Variants in TAPBPL observed in about 807,000 individuals in gnomAD.
TAPBPL encodes TAP binding protein like, also known as tapasin-related protein.
In TAPBPL, 32 loss-of-function variants were observed where a neutral mutation model predicts 44.8. The ratio of observed to expected loss-of-function variants is 0.71; its 90% CI spans 0.54 to 0.96. TAPBPL has a LOEUF of 0.96. TAPBPL is among the 40% of genes least tolerant of loss of function. The pLI is 0.00. For synonymous variants in TAPBPL, 230 were observed against 240.7 expected (o/e 0.96, Z 0.41); for missense variants, 520 against 586.6 (o/e 0.89, Z 1.17).
intron 3 of TAPBPL, among the ~76,000 whole-genome samples, chr12:6,454,470 AAAC>A (rs921174925): frequency 1.6e-4 from 24 of 152,308 alleles, no homozygotes; most frequent in Non-Finnish European, 2.6e-4. Context: ...ACCGTCTCAA[AAAC>A]AACAACAACA....
intron 5 of TAPBPL, among the ~76,000 whole-genome samples, chr12:6,459,944 G>A (rs770447447): frequency 1.4e-4 from 21 of 151,492 alleles, no homozygotes; most frequent in Non-Finnish European, 2.7e-4. Flanking sequence ...CTAATTTTGC[G>A]TTTTTAGTAG....
intron 6 of TAPBPL, chr12:6,461,466 T>C (rs775838214): frequency 6.4e-5 from 64 of 995,744 alleles, no homozygotes; most frequent in Non-Finnish European, 7.4e-5. Context: ...GAGGCATGGG[T>C]TGGGGCTGGG....
At chr12:6,459,182 G>A (rs1949781122) in intron 5 of TAPBPL, among the ~76,000 whole-genome samples, 1 of 152,334 alleles carries the variant, frequency 6.6e-6, no homozygotes, top group East Asian at 1.9e-4. Flanking sequence ...ATGTGCTTAA[G>A]GCTGGAGATC....
downstream of TAPBPL, chr12:6,464,471 CAAGTA>C: frequency 6.5e-7 from 1 of 1,542,720 alleles, no homozygotes; most frequent in Non-Finnish European, 8.7e-7. Flanking sequence ...GGTACATTCT[CAAGTA>C]AAAAAGTAGA....
In TAPBPL at chr12:6,462,204, C is replaced by A; in HGVS notation, c.*55C>A. 6.8e-7 allele frequency: 1 copy of A among 1,460,988 alleles called. No individual in the cohort carries two copies. The highest frequency in any genetic ancestry group is 9.3e-7 in the Non-Finnish European group (1 of 1,072,522). The allele number at this position is 1,460,988 out of a possible 1,614,324, so 90.5% of individuals were successfully genotyped here. ...AACGACACCCTTCCCCAAGCCCCCACAGCTACTCCAACCCAAACAACAACC... is the reference window on the plus strand; with the variant it reads ...AACGACACCCTTCCCCAAGCCCCCAAAGCTACTCCAACCCAAACAACAACC... On this transcript the variant is annotated 3_prime_UTR_variant, in exon 7 of 7. Transcript: ENST00000266556.
At chr12:6,462,939 A>G (rs1463315183), downstream of TAPBPL, 1 of 1,556,842 alleles carries the variant, frequency 6.4e-7, no homozygotes, top group South Asian at 1.2e-5. Flanking sequence ...GTGGGCATCC[A>G]GACCCTGCCC....
chr12:6,465,114 G>A, downstream of TAPBPL: 6 of 840,584 alleles, frequency 7.1e-6, 1 homozygote, highest in South Asian at 9.8e-5. Context: ...CTTCCCAGGG[G>A]ATCATAACCA....
At chr12:6,452,468 G>A in intron 1 of TAPBPL, 156 bp downstream of exon 1, 13 of 1,448,220 alleles carry the variant, frequency 9.0e-6, no homozygotes, top group Non-Finnish European at 1.2e-5. Context: ...GGCAAAGGAA[G>A]GAACCAATAG....
intron 3 of TAPBPL, among the ~76,000 whole-genome samples, chr12:6,454,945 A>G (rs925879378): frequency 2.0e-5 from 3 of 152,120 alleles, no homozygotes; most frequent in African/African-American, 7.2e-5. Context: ...GGAAAACCCC[A>G]GAACACTCTA....
intron 1 of TAPBPL, 85 bp from the exon 2 acceptor site, chr12:6,452,982 C>T (rs1427889012): frequency 7.3e-7 from 1 of 1,369,756 alleles, no homozygotes; most frequent in Non-Finnish European, 9.9e-7. Context: ...CCTTTGATGA[C>T]TCCACAGCTT....
Position 6,457,758 on chromosome 12 carries a change from A to C in TAPBPL, c.904+14A>C. ...TCAACATCCAAGGTGAGGCCAGGAC[A>C]TGGTTATCCCAGGGAAGGGGATATA... On this transcript the variant is annotated intron_variant, in intron 4 of 6. Transcript: ENST00000266556. 6.4e-7 allele frequency: 1 copy of C among 1,554,500 alleles called. No individual in the cohort carries two copies.
downstream of TAPBPL, chr12:6,470,758 A>G: frequency 1.6e-6 from 1 of 614,786 alleles, no homozygotes. Context: ...GGCCCAATCC[A>G]TGCCCAGGAC....
chr12:6,466,403 C>T (rs779675614), downstream of TAPBPL: 75 of 1,577,510 alleles, frequency 4.8e-5, no homozygotes, highest in Admixed American at 1.9e-4. Context: ...AAGAAAGGAG[C>T]TGGGCGTGGT....
At chr12:6,465,417 T>C (rs1200909359), downstream of TAPBPL, 10 of 72,680 alleles carry the variant, frequency 1.4e-4, no homozygotes, top group African/African-American at 4.0e-4. Context: ...TATATATGTA[T>C]ATATATATAT....
At chr12:6,454,872 CTTT>C (rs1180051488) in intron 3 of TAPBPL, among the ~76,000 whole-genome samples, 1 of 152,094 alleles carries the variant, frequency 6.6e-6, no homozygotes, top group Non-Finnish European at 1.5e-5. Flanking sequence ...TGCCCTGCTT[CTTT>C]GAGTCTCCAA....
chr12:6,465,466 A>AGTGTGTGT (rs72418260), downstream of TAPBPL: 42 of 103,428 alleles, frequency 4.1e-4, no homozygotes, highest in East Asian at 2.1e-3. Context: ...GTGTATATAT[A>AGTGTGTGT]GTGTGTGTGT....
At chr12:6,464,825 G>A (rs1379560336), downstream of TAPBPL, 3 of 1,610,584 alleles carry the variant, frequency 1.9e-6, no homozygotes, top group East Asian at 2.2e-5. Context: ...CAGGCAGGCA[G>A]GCAGGGAGAA....
Position 6,452,207 on chromosome 12 carries a change from G to A in TAPBPL, c.-42G>A. 6.4e-7 allele frequency: 1 copy of A among 1,557,876 alleles called. No individual in the cohort carries two copies. The highest frequency in any genetic ancestry group is 8.7e-7 in the Non-Finnish European group (1 of 1,150,404). ...GCCTCGCAAGCAGCGTAGGACTGTG[G>A]AGAAGGGCGGTGGGCAAGGAGGGAA... On this transcript the variant is annotated 5_prime_UTR_variant, in exon 1 of 7. Coordinates refer to ENST00000266556, the MANE Select transcript of TAPBPL (RefSeq NM_018009.5).
intron 4 of TAPBPL, 112 bp from the exon 5 acceptor site, chr12:6,458,533 A>T (rs1277942673): frequency 1.5e-6 from 2 of 1,320,898 alleles, no homozygotes; most frequent in African/African-American, 2.9e-5. Context: ...CCACCAAGGG[A>T]CACTGTAGCC....
Sources: gnomAD v4.1 joint callset for allele counts (sites outside exome capture counted in the v4.1 genomes callset) on GRCh38, gnomAD v4.1.1 for gene constraint, MANE v1.5 for transcripts, NCBI Gene and HGNC (gene_info 2026-07-23, HGNC 2026-07-21) for gene names.